The following LAMTOR3 variants were observed in gnomAD, a reference collection of about 807,000 sequenced individuals.
The protein encoded by LAMTOR3 is ragulator complex protein LAMTOR3.
A neutral mutation model predicts 20.3 loss-of-function variants in LAMTOR3; 14 were observed. The observed-to-expected ratio is 0.69, with a 90% CI of 0.46 to 1.08. The LOEUF (loss-of-function observed/expected upper bound fraction) is 1.08, where lower values mean the gene tolerates loss of function less well. LAMTOR3 is among the 50% of genes least tolerant of loss of function. The probability of loss-of-function intolerance (pLI) is 0.00; values close to 1 mark genes in which losing one functional copy is unlikely to be tolerated. For missense variants in LAMTOR3, 125 were observed against 143.7 expected (o/e 0.87, Z 0.67); for synonymous variants, 40 against 49.4 (o/e 0.81, Z 0.80).
intron 3 of LAMTOR3, among the ~76,000 whole-genome samples, chr4:99,888,680 T>C (rs1031701493): frequency 3.9e-5 from 6 of 152,220 alleles, no homozygotes; most frequent in African/African-American, 1.4e-4. Flanking sequence ...GTTTAAATAC[T>C]GACATTAAAT....
chr4:99,893,197 T>G (rs889239792), intron 2 of LAMTOR3, among the ~76,000 whole-genome samples: 7 of 151,874 alleles, frequency 4.6e-5, no homozygotes, highest in Non-Finnish European at 1.0e-4. Context: ...TTTCTTTTTG[T>G]AGAACGGGGT....
At chr4:99,893,617 G>T (rs996142818) in intron 2 of LAMTOR3, among the ~76,000 whole-genome samples, 1 of 152,144 alleles carries the variant, frequency 6.6e-6, no homozygotes, top group African/African-American at 2.4e-5. Flanking sequence ...ACCAAATTCT[G>T]ACAGGAAAAG....
chr4:99,881,903 T>C lies in LAMTOR3; in HGVS notation c.*91A>G. The C allele has an allele frequency of 2.3e-6, 2 of 884,344 alleles. No individual in the cohort carries two copies. The highest frequency in any genetic ancestry group is 3.6e-6 in the Non-Finnish European group (2 of 550,114). 54.8% of individuals were successfully genotyped at this position (884,344 alleles called of 1,614,324 possible). A position where few individuals can be genotyped will look rare whatever the true frequency, so the allele number is the denominator to read the frequency against. ...AAAAAGGGGCCCTTTCTTGAGCACA[T>C]GGATAAAAGTATTATTGTAGTCTAA... On this transcript the variant is annotated 3_prime_UTR_variant, in exon 7 of 7. Transcript: ENST00000499666.
chr4:99,889,233 T>C lies in LAMTOR3; in HGVS notation c.45-1879A>G, dbSNP rs542483645. ...CAAAAAGATTAATACATAAAATAAA[T>C]ATATTCTTCTAAGTTAAAAACTAGG... On this transcript the variant is annotated intron_variant, in intron 3 of 6. Transcript: ENST00000499666. Among the ~76,000 whole-genome samples, 40 of 152,232 alleles carry C rather than the reference T, an allele frequency of 2.6e-4. No individual in the cohort carries two copies. In the East Asian group the frequency reaches 7.7e-3, roughly 29 times the overall value.
At chr4:99,883,562 A>G (rs1207131990) in intron 6 of LAMTOR3, among the ~76,000 whole-genome samples, 1 of 152,068 alleles carries the variant, frequency 6.6e-6, no homozygotes, top group Non-Finnish European at 1.5e-5. Flanking sequence ...TCTCAAGAAG[A>G]GTGAGACTAT....
In LAMTOR3 at chr4:99,880,822, A is replaced by G. The variant is rs1324090971; in HGVS notation, c.*1172T>C. On this transcript the variant is annotated 3_prime_UTR_variant, in exon 7 of 7. Transcript: ENST00000499666. ...ATGTACTGAACTGATCCAGGGAAAA[A>G]CTGATTGTCAAAGAGCCTAGAAAGA... 6.6e-6 allele frequency: 1 copy of G among 152,236 alleles called. No homozygotes were observed. Among genetic ancestry groups the G allele is most frequent in the Non-Finnish European group, 1.5e-5 (1 of 68,084 alleles). 9.4% of individuals were successfully genotyped at this position (152,236 alleles called of 1,614,324 possible).
At chr4:99,882,862 C>T (rs1248230786) in intron 6 of LAMTOR3, among the ~76,000 whole-genome samples, 1 of 151,966 alleles carries the variant, frequency 6.6e-6, no homozygotes, top group Non-Finnish European at 1.5e-5. Flanking sequence ...GGGAGATAAA[C>T]ATCTAGAAAT....
chr4:99,881,806 C>G lies in LAMTOR3; in HGVS notation c.*188G>C, dbSNP rs1459086311. 1 of 563,302 alleles carries G rather than the reference C, an allele frequency of 1.8e-6. No homozygotes were observed. Among genetic ancestry groups the G allele is most frequent in the Non-Finnish European group, 3.1e-6 (1 of 317,872 alleles). The allele number at this position is 563,302 out of a possible 1,614,324, so 34.9% of individuals were successfully genotyped here. A position where few individuals can be genotyped will look rare whatever the true frequency, so the allele number is the denominator to read the frequency against. The stretch of plus-strand genomic sequence containing the variant: ...TAGATCTCACTAAATAAGAAAGACC[C>G]TACACCAGAAAATATAGCAACTGAT... On this transcript the variant is annotated 3_prime_UTR_variant, in exon 7 of 7. Transcript: ENST00000499666.
Position 99,891,995 on chromosome 4 carries a change from C to T in LAMTOR3, c.44+5G>A, listed in dbSNP as rs764101454. On this transcript the variant is annotated splice_donor_5th_base_variant and intron_variant, in intron 3 of 6. Coordinates refer to ENST00000499666, the MANE Select transcript of LAMTOR3 (RefSeq NM_021970.4). ...TTATTCAATAACAAATTAAAAATTT[C>T]TTACCTTGGTAACTTTTTATACAAG... The T allele has an allele frequency of 6.4e-7, 1 of 1,566,642 alleles. No individual in the cohort carries two copies. Among genetic ancestry groups the T allele is most frequent in the Non-Finnish European group, 8.6e-7 (1 of 1,163,652 alleles).
intron 3 of LAMTOR3, among the ~76,000 whole-genome samples, chr4:99,890,697 A>C (rs1364601626): frequency 6.6e-6 from 1 of 152,150 alleles, no homozygotes; most frequent in Non-Finnish European, 1.5e-5. Context: ...CTTTTAACAA[A>C]TATCCTTTAA....
upstream of LAMTOR3, chr4:99,894,517 G>A (rs914987601): frequency 2.0e-5 from 3 of 151,488 alleles, no homozygotes; most frequent in South Asian, 2.1e-4. Context: ...AGCTGCGAGG[G>A]CGCGTCCGGC....
At chr4:99,883,022 A>C (rs930006167) in intron 6 of LAMTOR3, among the ~76,000 whole-genome samples, 1 of 152,066 alleles carries the variant, frequency 6.6e-6, no homozygotes, top group Non-Finnish European at 1.5e-5. Context: ...CCAAGTACTA[A>C]AATATTGTTC....
chr4:99,893,549 C>T (rs561952478), intron 2 of LAMTOR3, among the ~76,000 whole-genome samples: 23 of 152,202 alleles, frequency 1.5e-4, no homozygotes, highest in Admixed American at 1.2e-3. Context: ...TACAATAAAC[C>T]AAATGAGATA....
intron 5 of LAMTOR3, among the ~76,000 whole-genome samples, chr4:99,884,575 G>C (rs1195805905): frequency 1.3e-5 from 2 of 151,912 alleles, no homozygotes; most frequent in Admixed American, 1.3e-4. Context: ...CAAAAAAAAA[G>C]AAAACTTAGT....
At chr4:99,886,089 C>T (rs571230040) in intron 4 of LAMTOR3, among the ~76,000 whole-genome samples, 1 of 152,314 alleles carries the variant, frequency 6.6e-6, no homozygotes, top group East Asian at 1.9e-4. Flanking sequence ...CAATCTGCAG[C>T]TGGTTACCTG....
chr4:99,890,885 C>A (rs1725009821), intron 3 of LAMTOR3, among the ~76,000 whole-genome samples: 1 of 152,176 alleles, frequency 6.6e-6, no homozygotes, highest in African/African-American at 2.4e-5. Flanking sequence ...TTCCTTTACA[C>A]AGACAGCTTC....
intron 3 of LAMTOR3, among the ~76,000 whole-genome samples, chr4:99,891,051 T>C (rs1578204529): frequency 6.6e-6 from 1 of 152,318 alleles, no homozygotes; most frequent in East Asian, 1.9e-4. Context: ...GACTAATGAG[T>C]ATCTTTCTGG....
chr4:99,887,117 T>A (rs1487318655), intron 4 of LAMTOR3, among the ~76,000 whole-genome samples, 179 bp downstream of exon 4: 4 of 152,190 alleles, frequency 2.6e-5, no homozygotes, highest in African/African-American at 9.6e-5. Context: ...ATATAATACA[T>A]TGTAGATTCA....
chr4:99,883,943 G>A (rs996126286), intron 6 of LAMTOR3, 119 bp downstream of exon 6: 67 of 676,790 alleles, frequency 9.9e-5, no homozygotes, highest in East Asian at 9.5e-4. Flanking sequence ...AGTGAAACTG[G>A]GCCACAAGTT....
Sources: gnomAD v4.1 joint callset for allele counts (sites outside exome capture counted in the v4.1 genomes callset) on GRCh38, gnomAD v4.1.1 for gene constraint, MANE v1.5 for transcripts, NCBI Gene and HGNC (gene_info 2026-07-23, HGNC 2026-07-21) for gene names.